The following ADGRD1 variants were observed in gnomAD, a reference collection of about 807,000 sequenced individuals.
The protein encoded by ADGRD1 is G-protein coupled receptor 133.
ADGRD1 carries 77 observed loss-of-function variants against 113.4 expected under a neutral mutation model. The observed-to-expected ratio is 0.68, with a 90% CI of 0.57 to 0.82. The LOEUF (loss-of-function observed/expected upper bound fraction) is 0.82, where lower values mean the gene tolerates loss of function less well. ADGRD1 is among the 40% of genes least tolerant of loss of function. ADGRD1 has a pLI of 0.00. For missense variants in ADGRD1, 1,036 were observed against 1,139.1 expected (o/e 0.91, Z 1.30); for synonymous variants, 474 against 475.0 (o/e 1.00, Z 0.03).
intron 12 of ADGRD1, among the ~76,000 whole-genome samples, chr12:131,008,791 C>T (rs549709229): frequency 6.6e-6 from 1 of 152,226 alleles, no homozygotes; most frequent in African/African-American, 2.4e-5. Flanking sequence ...GGCCTGCTCC[C>T]AGTCCTCCTG....
At chr12:131,044,719 G>T (rs12316155) in intron 13 of ADGRD1, among the ~76,000 whole-genome samples, 5 of 151,928 alleles carry the variant, frequency 3.3e-5, no homozygotes, top group Non-Finnish European at 5.9e-5. Flanking sequence ...CCATTGGAAA[G>T]CTCTGGGTGT....
intron 9 of ADGRD1, among the ~76,000 whole-genome samples, chr12:131,001,825 A>C (rs1363657815): frequency 1.3e-5 from 2 of 152,254 alleles, no homozygotes; most frequent in Non-Finnish European, 2.9e-5. Flanking sequence ...CCACACCACC[A>C]TGATATTAAA....
At chr12:131,086,553 G>T in intron 15 of ADGRD1, among the ~76,000 whole-genome samples, 1 of 152,236 alleles carries the variant, frequency 6.6e-6, no homozygotes, top group African/African-American at 2.4e-5. Flanking sequence ...TGGAGACAGG[G>T]CCCTGGTTTT....
chr12:130,979,646 C>T (rs1872708033), intron 4 of ADGRD1, among the ~76,000 whole-genome samples: 1 of 152,260 alleles, frequency 6.6e-6, no homozygotes, highest in Non-Finnish European at 1.5e-5. Flanking sequence ...CTGCCTCTCC[C>T]CTGCACCCAC....
intron 4 of ADGRD1, among the ~76,000 whole-genome samples, chr12:130,976,145 T>C (rs980154451): frequency 6.6e-6 from 1 of 152,208 alleles, no homozygotes; most frequent in Non-Finnish European, 1.5e-5. Context: ...AACAATTTGC[T>C]AAGATACTTG....
rs957285810 is a variant in ADGRD1 at position 131,003,508 on chromosome 12, G to C, written c.1144+206G>C. The stretch of plus-strand genomic sequence containing the variant: ...CATGATATGCAGATGGGGCCCATAA[G>C]CTTTTCCCAGTGACTTGGGAGCCAA... On this transcript the variant is annotated intron_variant, in intron 10 of 24. Coordinates refer to ENST00000261654, the MANE Select transcript of ADGRD1 (RefSeq NM_198827.5). The surrounding 1 kb of genome is among the most constrained non-coding windows in gnomAD (Gnocchi z 4.8). Among the ~76,000 whole-genome samples the C allele has an allele frequency of 2.0e-5, 3 of 152,208 alleles. No individual in the cohort carries two copies. The highest frequency in any genetic ancestry group is 7.2e-5 in the African/African-American group (3 of 41,462).
chr12:130,985,848 G>A (rs1022811090), intron 5 of ADGRD1, among the ~76,000 whole-genome samples: 3 of 152,110 alleles, frequency 2.0e-5, no homozygotes, highest in African/African-American at 4.8e-5. Flanking sequence ...CACTGCGTCC[G>A]GCCAAGATTC....
At chr12:131,068,893 G>T (rs55979304) in intron 13 of ADGRD1, among the ~76,000 whole-genome samples, 15,475 of 152,342 alleles carry the variant, frequency 0.1, 827 homozygotes, top group Middle Eastern at 0.2. Flanking sequence ...ACGTTTATAG[G>T]TATTGCTTTT....
intron 6 of ADGRD1, 165 bp downstream of exon 6, chr12:130,987,514 C>T (rs1466812608): frequency 3.0e-6 from 2 of 673,490 alleles, no homozygotes; most frequent in African/African-American, 1.8e-5. Context: ...AACACCTGTT[C>T]CCTGAGATAG....
intron 6 of ADGRD1, chr12:130,989,399 C>G (rs1476480916): frequency 2.6e-5 from 4 of 152,192 alleles, no homozygotes; most frequent in Non-Finnish European, 5.9e-5. Flanking sequence ...TCCCATTGCA[C>G]CTGGTGACCT....
chr12:130,996,697 G>A (rs1409406963), intron 8 of ADGRD1, among the ~76,000 whole-genome samples: 2 of 93,316 alleles, frequency 2.1e-5, no homozygotes, highest in African/African-American at 4.3e-5. Context: ...GCGGCTGGCC[G>A]GGCGGGGGGC....
intron 12 of ADGRD1, among the ~76,000 whole-genome samples, chr12:131,006,256 A>G (rs1423664632): frequency 1.3e-5 from 2 of 152,250 alleles, no homozygotes; most frequent in African/African-American, 4.8e-5. Flanking sequence ...AGTGGAGGTC[A>G]GGAGCACGGG....
chr12:130,987,665 C>T (rs555529640), intron 6 of ADGRD1: 2 of 385,556 alleles, frequency 5.2e-6, no homozygotes, highest in East Asian at 1.1e-4. Flanking sequence ...TTTTGATCAA[C>T]AAATGTTAGC....
intron 13 of ADGRD1, among the ~76,000 whole-genome samples, chr12:131,033,559 G>A (rs1424412412): frequency 1.3e-5 from 2 of 152,216 alleles, no homozygotes; most frequent in South Asian, 2.1e-4. Flanking sequence ...GTGCAGTGAC[G>A]GAGGCAGCCA....
chr12:131,104,979 C>G (rs1185968495), intron 16 of ADGRD1, 45 bp downstream of exon 16: 2 of 1,299,960 alleles, frequency 1.5e-6, no homozygotes, highest in East Asian at 5.2e-5. Context: ...TCGGCCCCTG[C>G]CTGCACCCAG....
intron 13 of ADGRD1, among the ~76,000 whole-genome samples, chr12:131,045,077 G>A (rs1183823858): frequency 1.3e-5 from 2 of 152,238 alleles, no homozygotes; most frequent in African/African-American, 4.8e-5. Context: ...CGCCAGGAGC[G>A]GATCCGAATG....
chr12:131,059,630 GC>G (rs1295115425), intron 13 of ADGRD1, among the ~76,000 whole-genome samples: 7 of 152,266 alleles, frequency 4.6e-5, no homozygotes, highest in Admixed American at 4.6e-4. Context: ...CTGACATGAC[GC>G]TCAAAGGAAC....
At chr12:131,043,980 A>G (rs1032008710) in intron 13 of ADGRD1, among the ~76,000 whole-genome samples, 1 of 152,172 alleles carries the variant, frequency 6.6e-6, no homozygotes, top group Admixed American at 6.5e-5. Context: ...TGGCCGGGCC[A>G]CTAGAGGTTC....
At chr12:131,023,502 A>T (rs1392493254) in intron 13 of ADGRD1, 2 of 152,122 alleles carry the variant, frequency 1.3e-5, no homozygotes, top group East Asian at 3.9e-4. Context: ...CTTTTGTGCC[A>T]AATGAACAGA....
Sources: gnomAD v4.1 joint callset for allele counts (sites outside exome capture counted in the v4.1 genomes callset) on GRCh38, gnomAD v4.1.1 for gene constraint, Gnocchi (gnomAD v3.1) non-coding constraint, MANE v1.5 for transcripts, NCBI Gene and HGNC (gene_info 2026-07-23, HGNC 2026-07-21) for gene names.